Variants in HGS observed in about 807,000 individuals in gnomAD.
HGS encodes human growth factor-regulated tyrosine kinase substrate.
HGS carries 63 observed loss-of-function variants against 109.7 expected under a neutral mutation model. That is an observed-to-expected ratio of 0.57 (90% CI 0.47 to 0.71). HGS has a LOEUF of 0.71. Among genes scored for constraint, HGS ranks in the 30% least tolerant of loss-of-function variants. The pLI, the probability that HGS is intolerant of heterozygous loss-of-function variation, is 0.00. For missense variants in HGS, 995 were observed against 1,068.3 expected (o/e 0.93, Z 0.96); for synonymous variants, 546 against 437.3 (o/e 1.25, Z -3.10).
At chr17:81,696,586 C>G (rs1445888084) in intron 16 of HGS, 21 bp from the exon 17 acceptor site, 2 of 1,578,280 alleles carry the variant, frequency 1.3e-6, no homozygotes, top group Non-Finnish European at 1.7e-6. Flanking sequence ...GCAGCATAAC[C>G]AGCATGTTTT....
chr17:81,690,275 C>T, intron 6 of HGS, 41 bp downstream of exon 6: 1 of 1,605,674 alleles, frequency 6.2e-7, no homozygotes. Flanking sequence ...AGTCGGGCTG[C>T]TCAGGAAGCG....
chr17:81,693,974 C>T lies in HGS; in HGVS notation c.936+9C>T, dbSNP rs1418593439. The T allele has an allele frequency of 6.2e-6, 10 of 1,600,866 alleles. No homozygotes were observed. Among genetic ancestry groups the T allele is most frequent in the Non-Finnish European group, 6.8e-6 (8 of 1,175,642 alleles). On this transcript the variant is annotated intron_variant, in intron 11 of 21. Transcript: ENST00000329138. ...TGTACTCTTCACCTGTGGTGAGCGGCCCTTGGGCTGGAGCTCCCTCTCCTG... is the reference window on the plus strand; with the variant it reads ...TGTACTCTTCACCTGTGGTGAGCGGTCCTTGGGCTGGAGCTCCCTCTCCTG...
In HGS at chr17:81,701,850, T is replaced by G; in HGVS notation, c.*232T>G. On this transcript the variant is annotated 3_prime_UTR_variant, in exon 22 of 22. Transcript: ENST00000329138. ...GCTGGGCCATGGGGAGGGAAGGACT[T>G]TCTCCCAGGGGAAGCCCCCAGCCCT... The G allele has an allele frequency of 1.8e-6, 1 of 550,116 alleles. No homozygotes were observed. The highest frequency in any genetic ancestry group is 3.6e-5 in the East Asian group (1 of 27,728). The allele number at this position is 550,116 out of a possible 1,614,324, so 34.1% of individuals were successfully genotyped here. A position where few individuals can be genotyped will look rare whatever the true frequency, so the allele number is the denominator to read the frequency against.
rs1330336372 is a variant in HGS at position 81,701,497 on chromosome 17, C to T, written c.2224-11C>T. The T allele has an allele frequency of 1.3e-6, 2 of 1,546,764 alleles. No individual in the cohort carries two copies. The highest frequency in any genetic ancestry group is 1.9e-5 in the Admixed American group (1 of 53,150). ...GAGGACCAGGGCCATGCCTGCTTTC[C>T]TCCTGCACAGATGGCACCCTCTGGC... On this transcript the variant is annotated splice_polypyrimidine_tract_variant and intron_variant, in intron 21 of 21. Transcript: ENST00000329138.
At chr17:81,690,864 C>G (rs2037053268) in intron 7 of HGS, 122 bp downstream of exon 7, 2 of 797,244 alleles carry the variant, frequency 2.5e-6, no homozygotes, top group South Asian at 1.8e-5. Context: ...GTGAGTGCAG[C>G]TCGCAGCGGG....
intron 10 of HGS, 28 bp from the exon 11 acceptor site, chr17:81,693,832 CGTGCACCCAA>C: frequency 6.4e-7 from 1 of 1,571,914 alleles, no homozygotes; most frequent in African/African-American, 1.4e-5. Flanking sequence ...AGGGGCGTCA[CGTGCACCCAA>C]GTGACGCCCC....
rs2037065612 is a variant in HGS, at chr17:81,691,704, A to G, written c.662+133A>G. On this transcript the variant is annotated intron_variant, in intron 8 of 21. Coordinates refer to ENST00000329138, the MANE Select transcript of HGS (RefSeq NM_004712.5). The surrounding 1 kb of genome is among the most constrained non-coding windows in gnomAD (Gnocchi z 5.3). Reference sequence around the variant, plus strand: ...TCACAGCACAGCAGCTGGAAGGTCAAGGGAAACCCAGGGTGGCCGCATGCC... The same window carrying G: ...TCACAGCACAGCAGCTGGAAGGTCAGGGGAAACCCAGGGTGGCCGCATGCC... 2 of 1,184,462 alleles carry G rather than the reference A, an allele frequency of 1.7e-6. No homozygotes were observed. The highest frequency in any genetic ancestry group is 2.4e-6 in the Non-Finnish European group (2 of 830,882). 73.4% of individuals were successfully genotyped at this position (1,184,462 alleles called of 1,614,324 possible).
intron 2 of HGS, 107 bp downstream of exon 2, chr17:81,685,796 C>G (rs1041095626): frequency 5.2e-6 from 4 of 768,984 alleles, no homozygotes; most frequent in East Asian, 2.6e-5. Flanking sequence ...GTGTTAGGCT[C>G]TTATGTGGAG....
chr17:81,695,715 C>G, intron 14 of HGS, 71 bp from the exon 15 acceptor site: 1 of 1,412,440 alleles, frequency 7.1e-7, no homozygotes, highest in East Asian at 2.3e-5. Flanking sequence ...TGGGTGCCTC[C>G]ATCCCAGGCC....
At position 81,693,850 on chromosome 17, in the gene HGS, C is replaced by T. The variant is rs1341371436; in HGVS notation, c.841-20C>T. 2 of 1,590,738 alleles carry T rather than the reference C, an allele frequency of 1.3e-6. No homozygotes were observed. Among genetic ancestry groups the T allele is most frequent in the East Asian group, 4.5e-5 (2 of 44,620 alleles). ...GGCGTCACGTGCACCCAAGTGACGC[C>T]CCTTCTGATTCTGCCTCAGAGACAG... On this transcript the variant is annotated intron_variant, in intron 10 of 21. Transcript: ENST00000329138.
At position 81,691,497 on chromosome 17, in the gene HGS, G is replaced by A. The variant is rs2037063309; in HGVS notation, c.588G>A (p.Lys196=). ...GQIFCGKCSS[K]YSTIPKFGIE... ...TATTCTGTGGAAAGTGTTCTTCCAA[G>A]TACTCCACCATCCCCAAGTTTGGCA... The change falls in exon 8 of 22, where the codon AAG becomes AAA. Residue 196 remains lysine (K), a synonymous_variant. Coordinates refer to ENST00000329138, the MANE Select transcript of HGS (RefSeq NM_004712.5). This position sits in a 1 kb window ranked among gnomAD's most constrained non-coding sequence, Gnocchi z 5.3. 6.2e-7 allele frequency: 1 copy of A among 1,614,188 alleles called. No homozygotes were observed. Among genetic ancestry groups the A allele is most frequent in the African/African-American group, 1.3e-5 (1 of 75,042 alleles).
At chr17:81,685,746 C>T in intron 2 of HGS, 57 bp downstream of exon 2, 2 of 1,414,224 alleles carry the variant, frequency 1.4e-6, no homozygotes, top group Non-Finnish European at 2.0e-6. Flanking sequence ...CTAAGCTGGG[C>T]TCGCTTGGTG....
At chr17:81,684,425 C>CACA (rs1237711396) in intron 1 of HGS, 6 of 291,678 alleles carry the variant, frequency 2.1e-5, no homozygotes, top group African/African-American at 1.3e-4. Context: ...CCGAGTGGGC[C>CACA]ACAAGGCCTG....
rs762551677 is a variant in HGS, at chr17:81,693,558, A to C, written c.718A>C (p.Ser240Arg). The C allele has an allele frequency of 3.7e-6, 6 of 1,612,280 alleles. No homozygotes were observed. Among genetic ancestry groups the C allele is most frequent in the African/African-American group, 1.3e-5 (1 of 74,926 alleles). The change falls in exon 9 of 22, where the codon AGC becomes CGC. Residue 240 changes from serine (S) to arginine (R), a missense_variant. Around this residue, in one of 6 missense-constraint regions of HGS, gnomAD observed 300 missense variants for 235.4 expected, o/e 1.27. Coordinates refer to ENST00000329138, the MANE Select transcript of HGS (RefSeq NM_004712.5). ...TGAGCTGCCCCCCGAGTACCTGACC[A>C]GCCCCCTGTCTCAGCAGTCCCAGGT... ...TTELPPEYLT[S>R]PLSQQSQLPP...
At chr17:81,696,163 A>ATGCCCTGCCCTGCCCTGCCCTGCCC (rs58903919) in intron 15 of HGS, 164 bp downstream of exon 15, 5 of 768,866 alleles carry the variant, frequency 6.5e-6, no homozygotes, top group South Asian at 1.9e-5. Context: ...AGTGATGACC[A>ATGCCCTGCCCTGCCCTGCCCTGCCC]TGCCCTGCCC....
At chr17:81,696,075 C>T (rs988931924) in intron 15 of HGS, 76 bp downstream of exon 15, 9 of 1,296,280 alleles carry the variant, frequency 6.9e-6, no homozygotes, top group Non-Finnish European at 9.4e-6. Flanking sequence ...CAGGGCCTCC[C>T]CTGAGGGTGC....
Position 81,701,959 on chromosome 17 carries a change from G to A in HGS, c.*341G>A, listed in dbSNP as rs2037244733. On this transcript the variant is annotated 3_prime_UTR_variant, in exon 22 of 22. Coordinates refer to ENST00000329138, the MANE Select transcript of HGS (RefSeq NM_004712.5). Reference sequence around the variant, plus strand: ...GTGCCCTCTGGCCGCACTGTGAGCTGGCTGTGGTGTCTGGGTGTGGCCTGG... The same window carrying A: ...GTGCCCTCTGGCCGCACTGTGAGCTAGCTGTGGTGTCTGGGTGTGGCCTGG... The A allele has an allele frequency of 4.4e-6, 1 of 228,114 alleles. No individual in the cohort carries two copies. Among genetic ancestry groups the A allele is most frequent in the Non-Finnish European group, 8.6e-6 (1 of 116,904 alleles). 14.1% of individuals were successfully genotyped at this position (228,114 alleles called of 1,614,324 possible). A position where few individuals can be genotyped will look rare whatever the true frequency, so the allele number is the denominator to read the frequency against.
In HGS at chr17:81,693,468, C is replaced by T. The variant is rs371857271; in HGVS notation, c.663-35C>T. ...TTTGGCGGGGGCAGGGCGGTGTCAG[C>T]GCATGGTGACCTGCAGCATTCCTTG... On this transcript the variant is annotated intron_variant, in intron 8 of 21. Transcript: ENST00000329138. 63 of 1,538,356 alleles carry T rather than the reference C, an allele frequency of 4.1e-5. No individual in the cohort carries two copies. The African/African-American group carries it at 4.9e-4, about 12-fold the overall frequency.
rs2037040907 is a variant in HGS, at chr17:81,690,125, C to T, written c.416-57C>T. 2.5e-6 allele frequency: 4 copies of T among 1,573,986 alleles called. No homozygotes were observed. The Admixed American group carries it at 5.1e-5, about 20-fold the overall frequency. ...GCTGCCGAGAGTGAGGAAGGGGCTC[C>T]CGGAAGTCTTGCAGGCCAGGTGGGA... On this transcript the variant is annotated intron_variant, in intron 5 of 21. Coordinates refer to ENST00000329138, the MANE Select transcript of HGS (RefSeq NM_004712.5).
Sources: gnomAD v4.1 joint callset for allele counts on GRCh38, gnomAD v4.1.1 for gene constraint, gnomAD v4.1.1 regional missense constraint, Gnocchi (gnomAD v3.1) non-coding constraint, MANE v1.5 for transcripts, NCBI Gene and HGNC (gene_info 2026-07-23, HGNC 2026-07-21) for gene names.